Variants in PLCH1 observed in about 807,000 individuals in gnomAD.
The protein encoded by PLCH1 is phospholipase C eta 1.
In PLCH1, 60 loss-of-function variants were observed where a neutral mutation model predicts 126.7. The observed-to-expected ratio is 0.47, with a 90% CI of 0.38 to 0.59. The LOEUF (loss-of-function observed/expected upper bound fraction) is 0.59, where lower values mean the gene tolerates loss of function less well. Among genes scored for constraint, PLCH1 ranks in the 20% least tolerant of loss-of-function variants. PLCH1 has a pLI of 0.00. For missense variants in PLCH1, 1,723 were observed against 2,040.0 expected (o/e 0.84, Z 2.99); for synonymous variants, 719 against 734.9 (o/e 0.98, Z 0.35).
intron 11 of PLCH1, among the ~76,000 whole-genome samples, chr3:155,516,454 A>T (rs1042459773): frequency 6.7e-6 from 1 of 150,354 alleles, no homozygotes; most frequent in South Asian, 2.1e-4. Flanking sequence ...AAATGCAAAG[A>T]ACACATGAGT....
At position 155,583,570 on chromosome 3, in the gene PLCH1, A is replaced by G. The variant is rs1293515429; in HGVS notation, c.673T>C (p.Leu225=). The G allele has an allele frequency of 4.4e-6, 7 of 1,603,914 alleles. No individual in the cohort carries two copies. The East Asian group carries it at 1.4e-4, about 31-fold the overall frequency. ...EFCVFYKMMS[L]RRDLYLLLLS... ...AGTAACAAATAAAGGTCTCGTCTCA[A>G]AGACATCATTTTGTAAAAAACACAG... Residue 225 remains leucine, a synonymous_variant, in exon 6 of 23, where the codon TTG becomes CTG. Coordinates refer to ENST00000460012, the MANE Select transcript of PLCH1 (RefSeq NM_014996.4).
intron 2 of PLCH1, among the ~76,000 whole-genome samples, chr3:155,597,595 A>T (rs1733142506): frequency 6.6e-6 from 1 of 152,208 alleles, no homozygotes; most frequent in Non-Finnish European, 1.5e-5. Context: ...AAACACAATA[A>T]ACAAACCTCA....
Position 155,485,559 on chromosome 3 carries a change from C to G in PLCH1, c.2771G>C (p.Ser924Thr). 1 of 1,614,204 alleles carries G rather than the reference C, an allele frequency of 6.2e-7. No individual in the cohort carries two copies. The highest frequency in any genetic ancestry group is 8.5e-7 in the Non-Finnish European group (1 of 1,180,036). The stretch of plus-strand genomic sequence containing the variant: ...CACCATTTCTTGGAAGCCCATTTTG[C>G]TCTTTTTCCTGCCTTTGGCTGGGGC... ...ASAPAKGRKK[S>T]KMGFQEMVEI... Residue 924 changes from serine to threonine, a missense_variant, in exon 22 of 23, where the codon AGC becomes ACC. Ser to Thr is a moderately conservative substitution (Grantham distance 58). Transcript: ENST00000460012.
intron 15 of PLCH1, among the ~76,000 whole-genome samples, chr3:155,494,919 A>G (rs145955879): frequency 9.5e-4 from 145 of 152,332 alleles, no homozygotes; most frequent in African/African-American, 3.3e-3. Flanking sequence ...CTTCTTCCTG[A>G]TAACAGGAAG....
intron 2 of PLCH1, among the ~76,000 whole-genome samples, chr3:155,688,151 A>G (rs358910): frequency 0.19 from 28,215 of 152,174 alleles, 2,957 homozygotes; most frequent in East Asian, 0.43. Flanking sequence ...GCTGCCATCA[A>G]TGATGGGAAA....
intron 11 of PLCH1, among the ~76,000 whole-genome samples, chr3:155,517,293 C>T (rs750659237): frequency 3.9e-5 from 6 of 152,134 alleles, no homozygotes; most frequent in African/African-American, 9.7e-5. Flanking sequence ...AGCCACAGAG[C>T]GAAGCCCTGT....
chr3:155,600,984 C>T (rs939906254), intron 2 of PLCH1, among the ~76,000 whole-genome samples: 1 of 151,358 alleles, frequency 6.6e-6, no homozygotes, highest in Non-Finnish European at 1.5e-5. Context: ...TCTACAAGGT[C>T]TTTTTTTTTA....
At chr3:155,574,016 C>T (rs9852886) in intron 6 of PLCH1, among the ~76,000 whole-genome samples, 27,483 of 151,962 alleles carry the variant, frequency 0.18, 3,049 homozygotes, top group African/African-American at 0.31. Flanking sequence ...AGGGTTCAAG[C>T]GATTCTCCTG....
At chr3:155,489,783 C>T (rs944614335) in intron 19 of PLCH1, among the ~76,000 whole-genome samples, 6 of 152,124 alleles carry the variant, frequency 3.9e-5, no homozygotes, top group Non-Finnish European at 4.4e-5. Context: ...GTTTTTCTTC[C>T]TTTCTAAAAA....
At chr3:155,485,779 G>T in intron 21 of PLCH1, 69 bp from the exon 22 acceptor site, 1 of 936,222 alleles carries the variant, frequency 1.1e-6, no homozygotes, top group South Asian at 1.6e-5. Context: ...CCTTGAAAAT[G>T]ACAGCTCCAT....
At chr3:155,558,181 A>C (rs554836412) in intron 8 of PLCH1, among the ~76,000 whole-genome samples, 1 of 152,240 alleles carries the variant, frequency 6.6e-6, no homozygotes, top group Non-Finnish European at 1.5e-5. Flanking sequence ...TCCAGGTCAC[A>C]ATAGTGTGAA....
In PLCH1 at chr3:155,523,902, G is replaced by A. The variant is rs200171588; in HGVS notation, c.1465C>T (p.His489Tyr). The change falls in exon 11 of 23, where the codon CAT (histidine) becomes TAT (tyrosine). Residue 489 changes from histidine (H) to tyrosine (Y), a missense_variant. Physicochemically the swap from His to Tyr is moderately conservative, Grantham distance 83. Coordinates refer to ENST00000460012, the MANE Select transcript of PLCH1 (RefSeq NM_014996.4). ...EIEDECKFKL[H>Y]YSNGTTEHQV... The stretch of plus-strand genomic sequence containing the variant: ...TGGTCATGCCTGCAACTTACATAAT[G>A]GAGCTTGAATTTGCACTCGTCTTCA... 9.7e-5 allele frequency: 151 copies of A among 1,563,264 alleles called. No homozygotes were observed. Among genetic ancestry groups the A allele is most frequent in the Non-Finnish European group, 1.3e-4 (147 of 1,142,226 alleles).
intron 20 of PLCH1, among the ~76,000 whole-genome samples, 153 bp downstream of exon 20, chr3:155,488,507 C>A (rs1397033049): frequency 6.6e-6 from 1 of 152,060 alleles, no homozygotes; most frequent in Non-Finnish European, 1.5e-5. Flanking sequence ...CAACTATACT[C>A]CTTTACATTT....
chr3:155,668,084 CAAAAAAAAAAAAA>C (rs756879174), intron 2 of PLCH1, among the ~76,000 whole-genome samples: 22 of 38,006 alleles, frequency 5.8e-4, no homozygotes, highest in African/African-American at 2.6e-3. Flanking sequence ...GACTCCATCT[CAAAAAAAAAAAAA>C]AAAAAAAAAA....
At chr3:155,535,048 C>G (rs531082) in intron 10 of PLCH1, among the ~76,000 whole-genome samples, 143 of 152,152 alleles carry the variant, frequency 9.4e-4, no homozygotes, top group Non-Finnish European at 1.7e-3. Flanking sequence ...TTGGCCTTAC[C>G]AAGAGCTGAA....
intron 10 of PLCH1, among the ~76,000 whole-genome samples, chr3:155,543,050 C>A (rs111331422): frequency 3.9e-5 from 6 of 152,040 alleles, no homozygotes; most frequent in African/African-American, 7.2e-5. Flanking sequence ...ATGACTTTGC[C>A]GAGTTGAGAG....
intron 15 of PLCH1, 124 bp downstream of exon 15, chr3:155,497,196 T>G (rs1206396191): frequency 7.7e-6 from 5 of 645,634 alleles, no homozygotes; most frequent in Middle Eastern, 5.6e-4. Context: ...GACACTCAAA[T>G]TGGTTTCTAC....
intron 2 of PLCH1, among the ~76,000 whole-genome samples, chr3:155,641,805 G>C (rs1367574926): frequency 6.6e-6 from 1 of 151,708 alleles, no homozygotes; most frequent in Non-Finnish European, 1.5e-5. Context: ...CCTATCAATT[G>C]AAAACTTATA....
At chr3:155,625,087 C>T (rs761999216) in intron 2 of PLCH1, among the ~76,000 whole-genome samples, 13 of 152,080 alleles carry the variant, frequency 8.5e-5, no homozygotes, top group Non-Finnish European at 1.9e-4. Context: ...GAAATAACAC[C>T]GCATATCTAC....
Sources: allele counts gnomAD v4.1 joint callset (sites outside exome capture counted in the v4.1 genomes callset), GRCh38; gene constraint gnomAD v4.1.1; transcripts MANE v1.5; gene names NCBI Gene and HGNC (gene_info 2026-07-23, HGNC 2026-07-21).